Variants in PCDHGB5 observed in about 807,000 individuals in gnomAD.
PCDHGB5 encodes the protein protocadherin gamma subfamily B, 5.
A neutral mutation model predicts 62.9 loss-of-function variants in PCDHGB5; 48 were observed. The observed-to-expected ratio is 0.76, with a 90% CI of 0.61 to 0.97. The LOEUF is 0.97. PCDHGB5 is among the 50% of genes least tolerant of loss of function. The pLI, the probability that PCDHGB5 is intolerant of heterozygous loss-of-function variation, is 0.00. For missense variants in PCDHGB5, 1,118 were observed against 1,198.6 expected (o/e 0.93, Z 0.99); for synonymous variants, 474 against 511.2 (o/e 0.93, Z 0.98).
chr5:141,501,715 C>G lies in PCDHGB5; in HGVS notation c.2457-3678C>G, dbSNP rs139761188. On this transcript the variant is annotated intron_variant, in intron 2 of 3. Coordinates refer to ENST00000617380, the MANE Select transcript of PCDHGB5 (RefSeq NM_018925.3). ...AGGGTGATTCCGAGGATAAAAAAGA[C>G]AAATATATTACCCAGTCAGCTTAGA... 1.3e-3 allele frequency among the ~76,000 whole-genome samples: 192 copies of G among 152,192 alleles called. 1 individual carries two copies. The highest frequency in any genetic ancestry group is 4.5e-3 in the African/African-American group (185 of 41,512).
At chr5:141,412,666 G>C (rs991501719) in intron 1 of PCDHGB5, 3 of 152,120 alleles carry the variant, frequency 2.0e-5, no homozygotes, top group African/African-American at 7.2e-5. Flanking sequence ...ACACTAATAT[G>C]ACCTAAAATA....
Position 141,487,673 on chromosome 5 carries a change from C to T in PCDHGB5, c.2398-7134C>T. On this transcript the variant is annotated intron_variant, in intron 1 of 3. Transcript: ENST00000617380. The surrounding 1 kb of genome is among the most constrained non-coding windows in gnomAD (Gnocchi z 5.0). Reference sequence around the variant, plus strand: ...GGGTTATTCTGATCCAGGCATATGGCTAGGCCATGTCCTAGAGAGTACTGG... The same window carrying T: ...GGGTTATTCTGATCCAGGCATATGGTTAGGCCATGTCCTAGAGAGTACTGG... 6.2e-7 allele frequency: 1 copy of T among 1,611,456 alleles called. No homozygotes were observed. Among genetic ancestry groups the T allele is most frequent in the East Asian group, 2.2e-5 (1 of 44,852 alleles).
chr5:141,414,723 C>A (rs775890033), intron 1 of PCDHGB5: 2 of 1,614,170 alleles, frequency 1.2e-6, no homozygotes, highest in South Asian at 2.2e-5. Flanking sequence ...CAGACACTGG[C>A]GTCCTGTATG....
intron 1 of PCDHGB5, chr5:141,413,946 G>A: frequency 6.2e-7 from 1 of 1,613,414 alleles, no homozygotes; most frequent in Non-Finnish European, 8.5e-7. Flanking sequence ...GTGTTCCTGA[G>A]AATTTGCCTG....
Position 141,477,858 on chromosome 5 carries a change from C to T in PCDHGB5, c.2398-16949C>T. 2 of 1,613,572 alleles carry T rather than the reference C, an allele frequency of 1.2e-6. No individual in the cohort carries two copies. Among genetic ancestry groups the T allele is most frequent in the Non-Finnish European group, 1.7e-6 (2 of 1,179,842 alleles). ...GGTGGGAGCTCGGTGGAGATGCTGC[C>T]TCGAGGTACCTCAGCTGGCCACCTA... On this transcript the variant is annotated intron_variant, in intron 1 of 3. Transcript: ENST00000617380. This position sits in a 1 kb window ranked among gnomAD's most constrained non-coding sequence, Gnocchi z 4.9.
intron 1 of PCDHGB5, chr5:141,403,649 T>C: frequency 6.2e-7 from 1 of 1,613,874 alleles, no homozygotes; most frequent in Non-Finnish European, 8.5e-7. Context: ...TGTGACAGTG[T>C]TGGATACAAA....
intron 1 of PCDHGB5, among the ~76,000 whole-genome samples, chr5:141,451,032 A>G: frequency 6.6e-6 from 1 of 150,486 alleles, no homozygotes; most frequent in Non-Finnish European, 1.5e-5. Context: ...GTTTCACCAT[A>G]TTGGCCAGGC....
intron 1 of PCDHGB5, chr5:141,422,492 C>A (rs747903569): frequency 2.5e-6 from 4 of 1,613,816 alleles, no homozygotes; most frequent in African/African-American, 2.7e-5. Flanking sequence ...TACAATATAA[C>A]GTTGACAGCC....
rs531773756 is a variant in PCDHGB5 at position 141,417,037 on chromosome 5, TTA to T, written c.2397+16514_2397+16515del. On this transcript the variant is annotated intron_variant, in intron 1 of 3. Coordinates refer to ENST00000617380, the MANE Select transcript of PCDHGB5 (RefSeq NM_018925.3). ...ATTTTGAAAAATACAGGTTTTTTTT[TTA>T]AAAAAAACTGCTCTTGACATTGTAG... 5.9e-5 allele frequency: 9 copies of T among 151,574 alleles called. 1 individual carries two copies. Among genetic ancestry groups the T allele is most frequent in the Admixed American group, 2.0e-4 (3 of 15,204 alleles). The allele number at this position is 151,574 out of a possible 1,614,324, so 9.4% of individuals were successfully genotyped here.
At position 141,399,318 on chromosome 5, in the gene PCDHGB5, G is replaced by A. The variant is rs772027563; in HGVS notation, c.1191G>A (p.Ser397=). ...AGATTATCTCTTCATCCAAAAATTC[G>A]TATAAGTTGGTAACAGATGGAACCC... ...PFKIISSSKN[S]YKLVTDGTLD... is the part of the protein sequence containing the mutation. Residue 397 remains serine (S), a synonymous_variant, in exon 1 of 4, where the codon TCG becomes TCA. Coordinates refer to ENST00000617380, the MANE Select transcript of PCDHGB5 (RefSeq NM_018925.3). The A allele has an allele frequency of 1.2e-5, 19 of 1,613,830 alleles. No individual in the cohort carries two copies. Among genetic ancestry groups the A allele is most frequent in the East Asian group, 4.5e-5 (2 of 44,894 alleles).
At chr5:141,423,203 T>A (rs2096720538) in intron 1 of PCDHGB5, 1 of 1,613,508 alleles carries the variant, frequency 6.2e-7, no homozygotes, top group African/African-American at 1.3e-5. Context: ...TCGGCCACCG[T>A]CACGCTCACC....
At chr5:141,421,469 G>A in intron 1 of PCDHGB5, 1 of 1,614,122 alleles carries the variant, frequency 6.2e-7, no homozygotes, top group Non-Finnish European at 8.5e-7. Flanking sequence ...GTGAATCCGC[G>A]AAGCGGCAGC....
chr5:141,509,442 T>C (rs1473514859), intron 3 of PCDHGB5, among the ~76,000 whole-genome samples: 3 of 152,008 alleles, frequency 2.0e-5, no homozygotes, highest in Non-Finnish European at 2.9e-5. Flanking sequence ...TGTTTCCTCC[T>C]CTCCCACCCC....
chr5:141,454,464 T>C (rs1365696226), intron 1 of PCDHGB5, among the ~76,000 whole-genome samples: 1 of 152,196 alleles, frequency 6.6e-6, no homozygotes, highest in Non-Finnish European at 1.5e-5. Flanking sequence ...TGGAGTGCAA[T>C]GGCATGATCT....
At position 141,415,520 on chromosome 5, in the gene PCDHGB5, C is replaced by A. The variant is rs200535016; in HGVS notation, c.2397+14996C>A. The A allele has an allele frequency of 1.8e-4, 288 of 1,614,072 alleles. 3 individuals carry two copies. The highest frequency in any genetic ancestry group is 6.7e-5 in the Non-Finnish European group (79 of 1,180,044). On this transcript the variant is annotated intron_variant, in intron 1 of 3. Coordinates refer to ENST00000617380, the MANE Select transcript of PCDHGB5 (RefSeq NM_018925.3). Reference sequence around the variant, plus strand: ...TTCCCCCAGCCCAATTATGCGGACACGCTCATCAGCCAGGAGAGCTGTGAG... The same window carrying A: ...TTCCCCCAGCCCAATTATGCGGACAAGCTCATCAGCCAGGAGAGCTGTGAG...
chr5:141,473,975 G>T (rs188916402), intron 1 of PCDHGB5, among the ~76,000 whole-genome samples: 1 of 152,104 alleles, frequency 6.6e-6, no homozygotes, highest in Non-Finnish European at 1.5e-5. Flanking sequence ...AGTCTGAGGC[G>T]GGAGGATCCC....
rs368075478 is a variant in PCDHGB5, at chr5:141,403,866, A to G, written c.2397+3342A>G. The G allele has an allele frequency of 1.3e-4, 207 of 1,613,762 alleles. No individual in the cohort carries two copies. Among genetic ancestry groups the G allele is most frequent in the Non-Finnish European group, 1.6e-4 (186 of 1,179,844 alleles). On this transcript the variant is annotated intron_variant, in intron 1 of 3. Transcript: ENST00000617380. ...AATACTGGGGAAATATCAACAGCAA[A>G]AAGTCTAGATTATGAAGAATGTTCA...
chr5:141,492,224 T>C (rs2099738444), intron 1 of PCDHGB5, among the ~76,000 whole-genome samples: 1 of 152,134 alleles, frequency 6.6e-6, no homozygotes, highest in South Asian at 2.1e-4. Flanking sequence ...CTCATGCGTG[T>C]CCTCCCTGCT....
At chr5:141,440,631 A>C (rs1036203175) in intron 1 of PCDHGB5, 2 of 152,224 alleles carry the variant, frequency 1.3e-5, no homozygotes, top group African/African-American at 4.8e-5. Flanking sequence ...ATGTTGAGAG[A>C]AATTCCTTAC....
Sources: gnomAD v4.1 joint callset for allele counts (sites outside exome capture counted in the v4.1 genomes callset) on GRCh38, gnomAD v4.1.1 for gene constraint, Gnocchi (gnomAD v3.1) non-coding constraint, MANE v1.5 for transcripts, NCBI Gene and HGNC (gene_info 2026-07-23, HGNC 2026-07-21) for gene names.